Variants in CRACDL observed in about 807,000 individuals in gnomAD.
CRACDL encodes CRACD-like protein.
In CRACDL, 26 loss-of-function variants were observed where a neutral mutation model predicts 70.6. The observed-to-expected ratio is 0.37, with a 90% CI of 0.27 to 0.51. The LOEUF (loss-of-function observed/expected upper bound fraction) is 0.51. Ranked by LOEUF, CRACDL falls within the 20% of genes least tolerant of loss-of-function variation. The pLI, the probability that CRACDL is intolerant of heterozygous loss-of-function variation, is 0.94. For missense variants in CRACDL, 1,283 were observed against 1,376.9 expected, an observed-to-expected ratio of 0.93 and a Z score of 1.08; for synonymous variants, 618 against 615.2, an observed-to-expected ratio of 1.00 and a Z score of -0.07.
At chr2:98,841,754 G>A (rs1223978083) in intron 2 of CRACDL, among the ~76,000 whole-genome samples, 2 of 152,178 alleles carry the variant, frequency 1.3e-5, no homozygotes, top group East Asian at 1.9e-4. Context: ...TAGGTATAAC[G>A]TTCTATTAAG....
chr2:98,821,761 T>C, intron 7 of CRACDL, 96 bp downstream of exon 7: 1 of 1,438,940 alleles, frequency 6.9e-7, no homozygotes, highest in Non-Finnish European at 9.3e-7. Flanking sequence ...CAACAAAGTT[T>C]GTACCAGGAG....
At chr2:98,805,662 A>T (rs1470676555) in intron 7 of CRACDL, among the ~76,000 whole-genome samples, 1 of 152,062 alleles carries the variant, frequency 6.6e-6, no homozygotes, top group East Asian at 1.9e-4. Flanking sequence ...ACACAGACTC[A>T]CTTTGCAGCC....
intron 1 of CRACDL, among the ~76,000 whole-genome samples, chr2:98,903,465 G>GA (rs1275668951): frequency 1.3e-5 from 2 of 151,936 alleles, no homozygotes; most frequent in South Asian, 2.1e-4. Context: ...ATCTCACTAA[G>GA]AAAAAAATAA....
chr2:98,864,452 G>A (rs1707052308), intron 1 of CRACDL, among the ~76,000 whole-genome samples: 1 of 152,104 alleles, frequency 6.6e-6, no homozygotes, highest in Non-Finnish European at 1.5e-5. Context: ...GACTGCTAAT[G>A]GGCACAAGGT....
chr2:98,900,109 G>T (rs1256284058), intron 1 of CRACDL, among the ~76,000 whole-genome samples: 5 of 142,426 alleles, frequency 3.5e-5, no homozygotes, highest in African/African-American at 1.3e-4. Flanking sequence ...GAGGCAGATG[G>T]ACAGAGGCTC....
chr2:98,798,215 C>T (rs1703915599), intron 7 of CRACDL, among the ~76,000 whole-genome samples: 1 of 152,090 alleles, frequency 6.6e-6, no homozygotes, highest in African/African-American at 2.4e-5. Flanking sequence ...CATGGTGGCA[C>T]ATGCCTGTAG....
At chr2:98,869,369 C>G (rs1360146132) in intron 1 of CRACDL, 1 of 951,844 alleles carries the variant, frequency 1.1e-6, no homozygotes, top group Non-Finnish European at 1.4e-6. Flanking sequence ...CAGAAAAGGC[C>G]GTCTAAGAAA....
intron 1 of CRACDL, among the ~76,000 whole-genome samples, chr2:98,918,803 T>C (rs1370745121): frequency 6.6e-6 from 1 of 152,170 alleles, no homozygotes; most frequent in Non-Finnish European, 1.5e-5. Flanking sequence ...GTTTGTTGAG[T>C]TGTTAAGTTC....
At chr2:98,919,521 A>G (rs894611143) in intron 1 of CRACDL, among the ~76,000 whole-genome samples, 1 of 152,134 alleles carries the variant, frequency 6.6e-6, no homozygotes, top group African/African-American at 2.4e-5. Context: ...TTCATCCCTT[A>G]ACTACTTACT....
At chr2:98,866,468 ACTT>A (rs201619236) in intron 1 of CRACDL, among the ~76,000 whole-genome samples, 2 of 99,686 alleles carry the variant, frequency 2.0e-5, no homozygotes, top group Non-Finnish European at 3.8e-5. Context: ...TGAAACAATC[ACTT>A]CTTCTTTTTT....
At chr2:98,848,441 G>A (rs375737863) in intron 1 of CRACDL, among the ~76,000 whole-genome samples, 24 of 152,222 alleles carry the variant, frequency 1.6e-4, no homozygotes, top group African/African-American at 5.3e-4. Flanking sequence ...AGATGGTGAG[G>A]GTGGCCTAGG....
chr2:98,820,780 T>C (rs1458832259), intron 7 of CRACDL, among the ~76,000 whole-genome samples: 1 of 152,244 alleles, frequency 6.6e-6, no homozygotes, highest in Non-Finnish European at 1.5e-5. Flanking sequence ...AAGTAAATGC[T>C]GACCCTCTTG....
At chr2:98,877,726 G>A (rs1490572164) in intron 1 of CRACDL, among the ~76,000 whole-genome samples, 2 of 151,844 alleles carry the variant, frequency 1.3e-5, no homozygotes, top group African/African-American at 4.8e-5. Flanking sequence ...TCCAGCCTGG[G>A]AAACACAGTG....
At chr2:98,902,982 C>T (rs371858402) in intron 1 of CRACDL, among the ~76,000 whole-genome samples, 144 of 152,212 alleles carry the variant, frequency 9.5e-4, no homozygotes, top group African/African-American at 3.3e-3. Flanking sequence ...GATGAAAACA[C>T]CCTTCCCCTT....
At chr2:98,924,069 G>A (rs145812561) in intron 1 of CRACDL, among the ~76,000 whole-genome samples, 4 of 152,214 alleles carry the variant, frequency 2.6e-5, no homozygotes, top group Non-Finnish European at 4.4e-5. Flanking sequence ...GTTTATTTAG[G>A]AATTGGGGAG....
intron 1 of CRACDL, 68 bp from the exon 2 acceptor site, chr2:98,846,878 G>T: frequency 7.8e-7 from 1 of 1,278,828 alleles, no homozygotes; most frequent in Non-Finnish European, 1.1e-6. Flanking sequence ...GTGAAATGGT[G>T]TTCGTGACTG....
At chr2:98,909,633 C>T (rs982436509) in intron 1 of CRACDL, among the ~76,000 whole-genome samples, 1 of 152,158 alleles carries the variant, frequency 6.6e-6, no homozygotes, top group African/African-American at 2.4e-5. Context: ...GCTGCTGACC[C>T]GCCTGCTCTA....
chr2:98,830,676 C>CT lies in CRACDL; in HGVS notation c.540+1671dup, dbSNP rs75119317. On this transcript the variant is annotated intron_variant, in intron 5 of 9. Coordinates refer to ENST00000397899, the MANE Select transcript of CRACDL (RefSeq NM_207362.3). Reference sequence around the variant, plus strand: ...CCCAATAATTGATAAAATCTCAGAACTTTTTTTTTTTAAATAAAGGACCAA... The same window carrying CT: ...CCCAATAATTGATAAAATCTCAGAACTTTTTTTTTTTTAAATAAAGGACCAA... 6.3e-4 allele frequency among the ~76,000 whole-genome samples: 93 copies of CT among 148,254 alleles called. 1 individual carries two copies. The East Asian group carries it at 8.8e-3, about 14-fold the overall frequency.
chr2:98,819,851 G>A (rs1480854940), intron 7 of CRACDL, among the ~76,000 whole-genome samples: 8 of 119,914 alleles, frequency 6.7e-5, no homozygotes, highest in African/African-American at 2.7e-4. Context: ...ATGGAGTCTC[G>A]CTCTGTCACC....
Sources: allele counts gnomAD v4.1 joint callset (sites outside exome capture counted in the v4.1 genomes callset), GRCh38; gene constraint gnomAD v4.1.1; transcripts MANE v1.5; gene names NCBI Gene and HGNC (gene_info 2026-07-23, HGNC 2026-07-21).